HFM1: variants seen among roughly 807,000 people sequenced by gnomAD.
HFM1 encodes the protein probable ATP-dependent DNA helicase HFM1.
A neutral mutation model predicts 192.1 loss-of-function variants in HFM1; 169 were observed. That is an observed-to-expected ratio of 0.88 (90% CI 0.78 to 1.00). The LOEUF (loss-of-function observed/expected upper bound fraction) is 1.00, where lower values mean the gene tolerates loss of function less well. Among genes scored for constraint, HFM1 ranks in the 50% least tolerant of loss-of-function variants. HFM1 has a pLI of 0.00. For missense variants in HFM1, 1,661 were observed against 1,668.0 expected, an observed-to-expected ratio of 1.00 and a Z score of 0.07; for synonymous variants, 525 against 537.8, an observed-to-expected ratio of 0.98 and a Z score of 0.33.
chr1:91,361,889 T>A (rs1168677059), intron 13 of HFM1, among the ~76,000 whole-genome samples: 2 of 152,208 alleles, frequency 1.3e-5, no homozygotes, highest in Admixed American at 1.3e-4. Context: ...GATGCAAGGT[T>A]GGTTCAATGT....
In HFM1 at chr1:91,383,894, T is replaced by C. The variant is rs1397696355; in HGVS notation, c.802+1293A>G. On this transcript the variant is annotated intron_variant, in intron 6 of 38. Coordinates refer to ENST00000370425, the MANE Select transcript of HFM1 (RefSeq NM_001017975.6). ...TTGTGGTAATTATTTTTGCAATGTT[T>C]ACATATTAAAAAATATCATGTTGTA... Among the ~76,000 whole-genome samples, 3 of 148,244 alleles carry C rather than the reference T, an allele frequency of 2.0e-5. No individual in the cohort carries two copies. In the East Asian group the frequency reaches 6.0e-4, roughly 29 times the overall value.
intron 13 of HFM1, among the ~76,000 whole-genome samples, chr1:91,367,401 C>T (rs979310256): frequency 1.3e-5 from 2 of 152,122 alleles, no homozygotes; most frequent in African/African-American, 4.8e-5. Flanking sequence ...TCCTCTGAGA[C>T]AAAACTTCCA....
intron 30 of HFM1, among the ~76,000 whole-genome samples, chr1:91,293,642 G>A (rs979033586): frequency 2.4e-4 from 36 of 151,492 alleles, no homozygotes; most frequent in African/African-American, 6.0e-4. Flanking sequence ...TCAGTGTGGC[G>A]ATTCCTCAGG....
At chr1:91,324,536 C>A (rs1006076051) in intron 21 of HFM1, 139 bp downstream of exon 21, 3 of 582,768 alleles carry the variant, frequency 5.1e-6, no homozygotes, top group Non-Finnish European at 9.2e-6. Flanking sequence ...CAGAATTATA[C>A]CAGAGGATAT....
intron 30 of HFM1, among the ~76,000 whole-genome samples, chr1:91,298,511 G>GAA (rs138099127): frequency 2.0e-5 from 3 of 152,006 alleles, no homozygotes; most frequent in African/African-American, 7.2e-5. Context: ...TGAAATGAAG[G>GAA]AAAAAATGTT....
In HFM1 at chr1:91,378,456, T is replaced by C; in HGVS notation, c.1183A>G (p.Lys395Glu). 5 of 1,603,746 alleles carry C rather than the reference T, an allele frequency of 3.1e-6. No homozygotes were observed. Among genetic ancestry groups the C allele is most frequent in the Non-Finnish European group, 4.3e-6 (5 of 1,172,888 alleles). ...TPEKWDSMTRKWRDNSLVQLV... is the reference protein window; with the variant it reads ...TPEKWDSMTREWRDNSLVQLV... Reference sequence around the variant, plus strand: ...TGAACCAAAGAGTTGTCTCTCCATTTCCTAGTCATGCTATCCCATTTTTCC... The same window carrying C: ...TGAACCAAAGAGTTGTCTCTCCATTCCCTAGTCATGCTATCCCATTTTTCC... Residue 395 changes from lysine to glutamate, a missense_variant, in exon 10 of 39, where the codon AAA becomes GAA. Physicochemically the swap from Lys to Glu is moderately conservative, Grantham distance 56 (BLOSUM62 1). Transcript: ENST00000370425.
intron 13 of HFM1, among the ~76,000 whole-genome samples, chr1:91,369,766 C>A (rs922927352): frequency 2.0e-5 from 3 of 152,022 alleles, no homozygotes; most frequent in African/African-American, 7.3e-5. Context: ...GAAATAGAGA[C>A]ACAAAAAACC....
chr1:91,273,512 T>TA (rs887414544), intron 34 of HFM1, among the ~76,000 whole-genome samples, 200 bp downstream of exon 34: 27 of 152,106 alleles, frequency 1.8e-4, no homozygotes, highest in East Asian at 9.6e-4. Flanking sequence ...GATTTTTTTT[T>TA]AAAAAGTACA....
At chr1:91,374,695 A>G (rs1261100706) in intron 13 of HFM1, among the ~76,000 whole-genome samples, 1 of 152,194 alleles carries the variant, frequency 6.6e-6, no homozygotes, top group African/African-American at 2.4e-5. Flanking sequence ...TATTTGGTAC[A>G]TAGTGAGTTT....
Position 91,353,167 on chromosome 1 carries a change from T to C in HFM1, c.1730-15A>G. 3.2e-6 allele frequency: 5 copies of C among 1,573,576 alleles called. No individual in the cohort carries two copies. The highest frequency in any genetic ancestry group is 2.2e-5 in the East Asian group (1 of 44,520). Reference sequence around the variant, plus strand: ...TTTTAAGATATCTGTAATAGAAATATATCAGCTGTTACTATTAATATTTCA... The same window carrying C: ...TTTTAAGATATCTGTAATAGAAATACATCAGCTGTTACTATTAATATTTCA... On this transcript the variant is annotated splice_polypyrimidine_tract_variant and intron_variant, in intron 14 of 38. Coordinates refer to ENST00000370425, the MANE Select transcript of HFM1 (RefSeq NM_001017975.6).
At position 91,316,377 on chromosome 1, in the gene HFM1, G is replaced by A. The variant is rs896696587; in HGVS notation, c.2898+14C>T. On this transcript the variant is annotated intron_variant, in intron 26 of 38. Coordinates refer to ENST00000370425, the MANE Select transcript of HFM1 (RefSeq NM_001017975.6). ...AGAATTTAGATGGAATTAGGAATAA[G>A]TGAATATAACTACCAATTCAAGTTC... The A allele has an allele frequency of 1.4e-6, 2 of 1,399,616 alleles. No individual in the cohort carries two copies. Among genetic ancestry groups the A allele is most frequent in the African/African-American group, 1.4e-5 (1 of 69,644 alleles). 86.7% of individuals were successfully genotyped at this position (1,399,616 alleles called of 1,614,324 possible).
chr1:91,367,978 G>A (rs1156364463), intron 13 of HFM1, among the ~76,000 whole-genome samples: 2 of 152,190 alleles, frequency 1.3e-5, no homozygotes, highest in African/African-American at 2.4e-5. Context: ...TAGCCGATGT[G>A]ATCAACTGGA....
At chr1:91,375,061 C>A (rs1660740058) in intron 13 of HFM1, among the ~76,000 whole-genome samples, 1 of 151,788 alleles carries the variant, frequency 6.6e-6, no homozygotes, top group South Asian at 2.1e-4. Context: ...GATAGAGAGT[C>A]CTTAAAGATT....
chr1:91,319,336 T>C lies in HFM1; in HGVS notation c.2637A>G (p.Gln879=). 6.2e-7 allele frequency: 1 copy of C among 1,613,104 alleles called. No individual in the cohort carries two copies. The highest frequency in any genetic ancestry group is 8.5e-7 in the Non-Finnish European group (1 of 1,179,130). ...CATGTCTGAAAATCTTTGCGGTATC[T>C]TGTGTCAAAGCAAAATCTTGTATGG... is the stretch of plus-strand genomic sequence containing the variant. The part of the protein sequence containing the change: ...CIPIQDFALT[Q]DTAKIFRHGS... Residue 879 remains glutamine, a synonymous_variant, in exon 24 of 39, where the codon CAA becomes CAG. Transcript: ENST00000370425.
At chr1:91,342,935 T>C (rs372478229) in intron 20 of HFM1, among the ~76,000 whole-genome samples, 1 of 152,156 alleles carries the variant, frequency 6.6e-6, no homozygotes, top group African/African-American at 2.4e-5. Flanking sequence ...AGACAAATTC[T>C]GTGCACCTGT....
chr1:91,402,520 T>C (rs1175814348), intron 1 of HFM1, among the ~76,000 whole-genome samples: 2 of 152,116 alleles, frequency 1.3e-5, no homozygotes, highest in African/African-American at 2.4e-5. Context: ...AATTTGACTA[T>C]ACGAAAAATA....
chr1:91,372,353 G>A (rs1660334632), intron 13 of HFM1, among the ~76,000 whole-genome samples: 1 of 152,160 alleles, frequency 6.6e-6, no homozygotes, highest in African/African-American at 2.4e-5. Context: ...GTCCAACAAT[G>A]ATAGACTGGA....
chr1:91,352,469 GT>G, intron 16 of HFM1, 36 bp downstream of exon 16: 1 of 1,496,760 alleles, frequency 6.7e-7, no homozygotes, highest in Non-Finnish European at 9.0e-7. Context: ...TTTTTATCAT[GT>G]TTTTAAGTAT....
intron 36 of HFM1, among the ~76,000 whole-genome samples, chr1:91,265,016 C>T (rs957104251): frequency 2.0e-5 from 3 of 152,154 alleles, no homozygotes; most frequent in Admixed American, 2.0e-4. Context: ...AAAAATCCAA[C>T]CCTACCTCTC....
Sources: allele counts gnomAD v4.1 joint callset (sites outside exome capture counted in the v4.1 genomes callset), GRCh38; gene constraint gnomAD v4.1.1; transcripts MANE v1.5; gene names NCBI Gene and HGNC (gene_info 2026-07-23, HGNC 2026-07-21).